The following ZMAT4 variants were observed in gnomAD, a reference collection of about 807,000 sequenced individuals.
The protein encoded by ZMAT4 is zinc finger matrin-type 4.
In ZMAT4, 17 loss-of-function variants were observed where a neutral mutation model predicts 28.7. That is an observed-to-expected ratio of 0.59 (90% CI 0.41 to 0.89). The LOEUF (loss-of-function observed/expected upper bound fraction) is 0.89. Among genes scored for constraint, ZMAT4 ranks in the 40% least tolerant of loss-of-function variants. The probability of loss-of-function intolerance (pLI) is 0.00; values close to 1 mark genes in which losing one functional copy is unlikely to be tolerated. For synonymous variants in ZMAT4, 117 were observed against 109.2 expected (o/e 1.07, Z -0.44); for missense variants, 240 against 283.8 (o/e 0.85, Z 1.11).
At chr8:40,759,248 C>T (rs1013729829) in intron 3 of ZMAT4, among the ~76,000 whole-genome samples, 16 of 136,036 alleles carry the variant, frequency 1.2e-4, no homozygotes, top group African/African-American at 2.5e-4. Flanking sequence ...GGCCACTGCA[C>T]GCCAGCCTAG....
At chr8:40,657,613 A>T (rs1585832029) in intron 5 of ZMAT4, among the ~76,000 whole-genome samples, 1 of 152,240 alleles carries the variant, frequency 6.6e-6, no homozygotes, top group East Asian at 1.9e-4. Context: ...CTTGGTCTTC[A>T]GCAATTTGAC....
intron 4 of ZMAT4, among the ~76,000 whole-genome samples, chr8:40,686,246 G>A (rs1217526155): frequency 6.6e-6 from 1 of 151,996 alleles, no homozygotes; most frequent in Non-Finnish European, 1.5e-5. Flanking sequence ...GAGGCACGAT[G>A]GCTCACACCT....
intron 3 of ZMAT4, among the ~76,000 whole-genome samples, chr8:40,755,421 A>C (rs2150550294): frequency 6.6e-6 from 1 of 152,206 alleles, no homozygotes; most frequent in South Asian, 2.1e-4. Flanking sequence ...TGTTCCAATA[A>C]GATTTTCTAT....
chr8:40,557,854 A>G (rs1177062070), intron 6 of ZMAT4, among the ~76,000 whole-genome samples: 1 of 152,282 alleles, frequency 6.6e-6, no homozygotes, highest in East Asian at 1.9e-4. Context: ...TGGATAGATG[A>G]ATGGATGGAT....
intron 5 of ZMAT4, among the ~76,000 whole-genome samples, chr8:40,591,217 T>G (rs1312516226): frequency 6.6e-6 from 1 of 152,230 alleles, no homozygotes; most frequent in Non-Finnish European, 1.5e-5. Context: ...AGATCATGTA[T>G]GAAGGTGGTG....
intron 1 of ZMAT4, among the ~76,000 whole-genome samples, chr8:40,855,756 G>C (rs1291484997): frequency 1.3e-5 from 2 of 151,576 alleles, no homozygotes; most frequent in Non-Finnish European, 2.9e-5. Flanking sequence ...GCTCACTGCA[G>C]CCTCAACTTC....
At chr8:40,757,569 G>C (rs1171747925) in intron 3 of ZMAT4, among the ~76,000 whole-genome samples, 2 of 148,206 alleles carry the variant, frequency 1.3e-5, no homozygotes, top group Admixed American at 6.8e-5. Flanking sequence ...CTGGGCAACA[G>C]AGCAAGACCC....
At position 40,650,773 on chromosome 8, in the gene ZMAT4, T is replaced by C. The variant is rs1294216009; in HGVS notation, c.577+23931A>G. Among the ~76,000 whole-genome samples, 272 of 147,202 alleles carry C rather than the reference T, an allele frequency of 1.8e-3. 1 individual carries two copies. Among genetic ancestry groups the C allele is most frequent in the African/African-American group, 6.3e-3 (251 of 40,084 alleles). On this transcript the variant is annotated intron_variant, in intron 5 of 6. Coordinates refer to ENST00000297737, the MANE Select transcript of ZMAT4 (RefSeq NM_024645.3). ...CCTGGGATGCAAGGCTGGTTCAATA[T>C]ACACAAATCAATAAATGTAATCCAG...
chr8:40,791,616 T>C (rs929119866), intron 2 of ZMAT4, among the ~76,000 whole-genome samples: 1 of 152,176 alleles, frequency 6.6e-6, no homozygotes, highest in African/African-American at 2.4e-5. Context: ...TTCTGCAATA[T>C]AAGCTTGTTG....
chr8:40,805,352 T>C (rs1815033758), intron 2 of ZMAT4, among the ~76,000 whole-genome samples: 1 of 147,492 alleles, frequency 6.8e-6, no homozygotes, highest in Non-Finnish European at 1.5e-5. Flanking sequence ...GACTGTAAAC[T>C]AGTTCAACCA....
At chr8:40,654,073 T>G (rs766983558) in intron 5 of ZMAT4, among the ~76,000 whole-genome samples, 11 of 152,194 alleles carry the variant, frequency 7.2e-5, no homozygotes, top group Non-Finnish European at 1.5e-4. Context: ...GGTAAGCAGA[T>G]TTTTGTCACA....
rs561461560 is a variant in ZMAT4, at chr8:40,622,745, T to C, written c.578-41484A>G. On this transcript the variant is annotated intron_variant, in intron 5 of 6. Coordinates refer to ENST00000297737, the MANE Select transcript of ZMAT4 (RefSeq NM_024645.3). ...GGTGTGTCACATGGTGACAGCAAGA[T>C]GCCAGGCTCTTTTTAAGAATCAATT... Among the ~76,000 whole-genome samples the C allele has an allele frequency of 4.1e-4, 63 of 152,242 alleles. No homozygotes were observed. In the South Asian group the frequency reaches 4.8e-3, roughly 12 times the overall value.
chr8:40,606,770 G>T (rs184490968), intron 5 of ZMAT4, among the ~76,000 whole-genome samples: 2 of 152,320 alleles, frequency 1.3e-5, no homozygotes, highest in Admixed American at 6.5e-5. Context: ...CCAGGGAATT[G>T]TTGCTTGATT....
At position 40,827,050 on chromosome 8, in the gene ZMAT4, T is replaced by A. The variant is rs551019283; in HGVS notation, c.-4-1370A>T. Among the ~76,000 whole-genome samples, 4 of 152,274 alleles carry A rather than the reference T, an allele frequency of 2.6e-5. No homozygotes were observed. In the South Asian group the frequency reaches 6.2e-4, roughly 24 times the overall value. ...TGGACTTTATCTTATTTCACCACCA[T>A]CATCTTACCTATAAGACAGTCCAAA... On this transcript the variant is annotated intron_variant, in intron 1 of 6. Coordinates refer to ENST00000297737, the MANE Select transcript of ZMAT4 (RefSeq NM_024645.3).
At chr8:40,850,015 G>A (rs1376200080) in intron 1 of ZMAT4, among the ~76,000 whole-genome samples, 1 of 152,084 alleles carries the variant, frequency 6.6e-6, no homozygotes, top group East Asian at 1.9e-4. Context: ...TGATCTATGA[G>A]CAGGACATGT....
intron 5 of ZMAT4, among the ~76,000 whole-genome samples, chr8:40,664,620 G>A (rs2599667): frequency 0.53 from 79,880 of 151,914 alleles, 21,340 homozygotes; most frequent in Middle Eastern, 0.63. Context: ...CCTGGTTGAT[G>A]TCTCTGTTAC....
intron 2 of ZMAT4, among the ~76,000 whole-genome samples, chr8:40,799,151 C>CTGGCTGGA (rs1200495001): frequency 2.9e-5 from 4 of 140,214 alleles, no homozygotes; most frequent in African/African-American, 8.2e-5. Context: ...GGCTGGCTGG[C>CTGGCTGGA]TGGCTGGATG....
intron 1 of ZMAT4, among the ~76,000 whole-genome samples, chr8:40,856,440 G>T (rs1186831642): frequency 6.6e-6 from 1 of 152,192 alleles, no homozygotes; most frequent in East Asian, 1.9e-4. Flanking sequence ...GCACAGGATG[G>T]TCTGTGTACC....
At chr8:40,836,726 A>G (rs994624965) in intron 1 of ZMAT4, among the ~76,000 whole-genome samples, 1 of 152,236 alleles carries the variant, frequency 6.6e-6, no homozygotes, top group African/African-American at 2.4e-5. Context: ...TTGGCAGAGA[A>G]ATGAGGACAA....
Sources: allele counts gnomAD v4.1 joint callset (sites outside exome capture counted in the v4.1 genomes callset), GRCh38; gene constraint gnomAD v4.1.1; transcripts MANE v1.5; gene names NCBI Gene and HGNC (gene_info 2026-07-23, HGNC 2026-07-21).